The following RRBP1 variants were observed in gnomAD, a reference collection of about 807,000 sequenced individuals.
RRBP1 encodes the protein ribosome-binding protein 1.
In RRBP1, 94 loss-of-function variants were observed where a neutral mutation model predicts 165.2. The observed-to-expected ratio is 0.57, with a 90% CI of 0.48 to 0.68. The LOEUF is 0.68. RRBP1 is among the 30% of genes least tolerant of loss of function. RRBP1 has a pLI of 0.00. For missense variants in RRBP1, 1,676 were observed against 1,763.0 expected (o/e 0.95, Z 0.88); for synonymous variants, 680 against 714.5 (o/e 0.95, Z 0.77).
At position 17,627,381 on chromosome 20, in the gene RRBP1, G is replaced by T; in HGVS notation, c.2930C>A (p.Ala977Asp). ...GQARDAQDVQ[A>D]SQAEADQQQT... ...CTGCTGGTCAGCCTCCGCCTGGCTG[G>T]CCTGGAATGAGAGACAAAAGCTCCT... Residue 977 changes from alanine (A) to aspartate (D), a missense_variant and splice_region_variant, in exon 11 of 25, where the codon GCC becomes GAC. Physicochemically the swap from Ala to Asp is moderately radical, Grantham distance 126 (BLOSUM62 -2). Coordinates refer to ENST00000377813, the MANE Select transcript of RRBP1 (RefSeq NM_001365613.2). The T allele has an allele frequency of 6.2e-7, 1 of 1,613,984 alleles. No homozygotes were observed. The highest frequency in any genetic ancestry group is 8.5e-7 in the Non-Finnish European group (1 of 1,179,936).
At chr20:17,680,288 G>A (rs550421559) in intron 1 of RRBP1, among the ~76,000 whole-genome samples, 1 of 152,194 alleles carries the variant, frequency 6.6e-6, no homozygotes, top group Admixed American at 6.5e-5. Context: ...GGTAACATTC[G>A]CAGTTGTTCT....
chr20:17,666,890 T>C (rs1274098055), intron 2 of RRBP1, among the ~76,000 whole-genome samples: 1 of 131,102 alleles, frequency 7.6e-6, no homozygotes, highest in Admixed American at 8.0e-5. Context: ...TTTTCTCCTT[T>C]AATCTGAAGT....
At chr20:17,656,970 T>C (rs2036655843) in intron 3 of RRBP1, among the ~76,000 whole-genome samples, 1 of 152,198 alleles carries the variant, frequency 6.6e-6, no homozygotes, top group African/African-American at 2.4e-5. Flanking sequence ...ACCTGCAAAT[T>C]AGAACAATTT....
At chr20:17,635,421 A>G in intron 7 of RRBP1, 125 bp downstream of exon 7, 1 of 689,392 alleles carries the variant, frequency 1.5e-6, no homozygotes, top group Non-Finnish European at 2.4e-6. Context: ...GAAGGTCAGG[A>G]CGGCTCCGCA....
At chr20:17,646,441 G>A (rs1275506012) in intron 3 of RRBP1, among the ~76,000 whole-genome samples, 1 of 152,208 alleles carries the variant, frequency 6.6e-6, no homozygotes, top group African/African-American at 2.4e-5. Flanking sequence ...GTGGCCTGGA[G>A]TCGAATCCCA....
chr20:17,620,074 C>G (rs923995615), intron 18 of RRBP1, among the ~76,000 whole-genome samples: 1 of 152,116 alleles, frequency 6.6e-6, no homozygotes, highest in Non-Finnish European at 1.5e-5. Flanking sequence ...CAGGGCTGGG[C>G]AGGTCTGCAC....
intron 13 of RRBP1, among the ~76,000 whole-genome samples, chr20:17,624,098 C>T (rs897069508): frequency 2.0e-5 from 3 of 152,212 alleles, no homozygotes; most frequent in Non-Finnish European, 2.9e-5. Context: ...CAGCTCTGTA[C>T]CCTCAGCCAG....
At chr20:17,641,954 C>G (rs1486997345) in intron 4 of RRBP1, 35 bp from the exon 5 acceptor site, 1 of 1,598,600 alleles carries the variant, frequency 6.3e-7, no homozygotes, top group African/African-American at 1.3e-5. Context: ...ACAGAGGGGA[C>G]AAATGGGACT....
intron 7 of RRBP1, 93 bp downstream of exon 7, chr20:17,635,453 G>T: frequency 1.1e-6 from 1 of 904,200 alleles, no homozygotes; most frequent in South Asian, 1.6e-5. Context: ...CCCATGCCTG[G>T]CTCTTGTGCC....
In RRBP1 at chr20:17,659,654, G is replaced by A; in HGVS notation, c.854C>T (p.Ala285Val). ...TPNQGKKVEG[A>V]PTQGRKAEGA... The stretch of plus-strand genomic sequence containing the variant: ...CTCGGCCTTTCTGCCCTGGGTTGGG[G>A]CCCCCTCCACCTTTTTCCCCTGGTT... The change falls in exon 3 of 25, where the codon GCC becomes GTC. Residue 285 changes from alanine to valine, a missense_variant. Around this residue, in one of 5 missense-constraint regions of RRBP1, gnomAD observed 392 missense variants for 382.5 expected, o/e 1.02. Transcript: ENST00000377813. The A allele has an allele frequency of 2.6e-6, 4 of 1,550,360 alleles. No homozygotes were observed. Among genetic ancestry groups the A allele is most frequent in the African/African-American group, 1.4e-5 (1 of 73,068 alleles).
At chr20:17,615,309 G>T (rs2035776559) in intron 23 of RRBP1, 122 bp downstream of exon 23, 3 of 734,830 alleles carry the variant, frequency 4.1e-6, no homozygotes, top group Non-Finnish European at 6.6e-6. Flanking sequence ...AGGGGAACCA[G>T]TGCCAAGGGC....
chr20:17,658,156 C>G (rs1425964201), intron 3 of RRBP1, among the ~76,000 whole-genome samples: 1 of 152,200 alleles, frequency 6.6e-6, no homozygotes, highest in Non-Finnish European at 1.5e-5. Context: ...ACCTTGCAGT[C>G]CCTTCTCCCT....
At chr20:17,619,611 A>G (rs936940369) in intron 19 of RRBP1, 22 bp downstream of exon 19, 1 of 1,579,024 alleles carries the variant, frequency 6.3e-7, no homozygotes, top group Non-Finnish European at 8.7e-7. Flanking sequence ...CAGGGGCTGC[A>G]CTCCTTGGGG....
chr20:17,670,172 T>C (rs1454941186), intron 2 of RRBP1, among the ~76,000 whole-genome samples: 2 of 152,228 alleles, frequency 1.3e-5, no homozygotes. Flanking sequence ...AAGATAATCA[T>C]ACTATTCTAC....
chr20:17,677,627 G>GTGA (rs918601335), intron 2 of RRBP1, among the ~76,000 whole-genome samples: 4 of 152,150 alleles, frequency 2.6e-5, no homozygotes, highest in African/African-American at 9.7e-5. Context: ...ATCACCTGAG[G>GTGA]TCAGGACTTC....
chr20:17,669,907 T>G (rs1003875754), intron 2 of RRBP1, among the ~76,000 whole-genome samples: 1 of 152,194 alleles, frequency 6.6e-6, no homozygotes, highest in Admixed American at 6.5e-5. Flanking sequence ...TCTTCCCAAT[T>G]TCCTATCGTC....
chr20:17,616,883 A>G (rs1467762972), intron 20 of RRBP1, 44 bp from the exon 21 acceptor site: 1 of 1,451,076 alleles, frequency 6.9e-7, no homozygotes. Flanking sequence ...AGCCAGTCGC[A>G]CACCCACCAT....
chr20:17,642,595 C>T (rs543074236), intron 4 of RRBP1, among the ~76,000 whole-genome samples: 7 of 152,342 alleles, frequency 4.6e-5, no homozygotes, highest in Middle Eastern at 3.4e-3. Flanking sequence ...AACTCTTAGC[C>T]TCTGAACCTG....
intron 3 of RRBP1, among the ~76,000 whole-genome samples, chr20:17,654,106 C>T (rs770314208): frequency 4.6e-5 from 7 of 152,214 alleles, no homozygotes; most frequent in East Asian, 3.8e-4. Context: ...CCACCCCAAT[C>T]GCTACCCGCT....
Sources: gnomAD v4.1 joint callset for allele counts (sites outside exome capture counted in the v4.1 genomes callset) on GRCh38, gnomAD v4.1.1 for gene constraint, gnomAD v4.1.1 regional missense constraint, MANE v1.5 for transcripts, NCBI Gene and HGNC (gene_info 2026-07-23, HGNC 2026-07-21) for gene names.